Variants in SNX18 observed in about 807,000 individuals in gnomAD.
The protein encoded by SNX18 is sorting nexin 18, also known as sorting nexin-18.
Under a neutral mutation model 48.7 loss-of-function variants are expected in SNX18, and 35 were observed. The observed-to-expected ratio is 0.72, with a 90% CI of 0.55 to 0.95. SNX18 has a LOEUF of 0.95. SNX18 is among the 40% of genes least tolerant of loss of function. The pLI is 0.00. For synonymous variants in SNX18, 492 were observed against 384.7 expected (o/e 1.28, Z -3.26); for missense variants, 824 against 871.0 (o/e 0.95, Z 0.68).
At chr5:54,538,937 CAT>C (rs1762408181) in intron 1 of SNX18, among the ~76,000 whole-genome samples, 1 of 152,182 alleles carries the variant, frequency 6.6e-6, no homozygotes, top group African/African-American at 2.4e-5. Flanking sequence ...TTTATGGAGA[CAT>C]AATCTTCCTT....
chr5:54,582,795 G>T, the SNX18 span, among the ~76,000 whole-genome samples: 1 of 151,612 alleles, frequency 6.6e-6, no homozygotes, highest in Admixed American at 6.6e-5. Flanking sequence ...GAATCTGTTC[G>T]GAATTGAAAA....
chr5:54,609,429 A>G, the SNX18 span, among the ~76,000 whole-genome samples: 2 of 151,692 alleles, frequency 1.3e-5, no homozygotes, highest in East Asian at 3.9e-4. Flanking sequence ...CTCCTTGGGG[A>G]CGTCATCCGC....
chr5:54,639,131 T>C, the SNX18 span, among the ~76,000 whole-genome samples: 1 of 152,222 alleles, frequency 6.6e-6, no homozygotes, highest in African/African-American at 2.4e-5. Context: ...TTTCCTAACT[T>C]AGTCCTTTTG....
At chr5:54,603,035 T>C in the SNX18 span, among the ~76,000 whole-genome samples, 1 of 152,090 alleles carries the variant, frequency 6.6e-6, no homozygotes, top group Non-Finnish European at 1.5e-5. Context: ...CATGGCAATG[T>C]TTCCAAGTAT....
chr5:54,530,744 ATTTTTTTTTTTT>A (rs70986692), intron 1 of SNX18, among the ~76,000 whole-genome samples: 1 of 72,520 alleles, frequency 1.4e-5, no homozygotes, highest in Non-Finnish European at 2.3e-5. Context: ...AACCACAGAA[ATTTTTTTTTTTT>A]TTTTTTTTTT....
chr5:54,599,693 C>A, the SNX18 span, among the ~76,000 whole-genome samples: 1 of 152,116 alleles, frequency 6.6e-6, no homozygotes, highest in Non-Finnish European at 1.5e-5. Context: ...ACATCTGCAA[C>A]CATCTGATCT....
At chr5:54,640,013 CTT>C in the SNX18 span, among the ~76,000 whole-genome samples, 1 of 152,118 alleles carries the variant, frequency 6.6e-6, no homozygotes, top group African/African-American at 2.4e-5. Context: ...TAGAAATATT[CTT>C]TGATAAGTGA....
chr5:54,593,300 T>G, the SNX18 span, among the ~76,000 whole-genome samples: 1 of 152,086 alleles, frequency 6.6e-6, no homozygotes, highest in Non-Finnish European at 1.5e-5. Context: ...CTAATGGGGC[T>G]CAAAAGTAAA....
At chr5:54,607,382 G>C in the SNX18 span, among the ~76,000 whole-genome samples, 29,810 of 152,074 alleles carry the variant, frequency 0.2, 3,691 homozygotes, top group Non-Finnish European at 0.27. Context: ...TTTCCCAGCT[G>C]TCTCCAGAAA....
At chr5:54,556,177 T>A in the SNX18 span, among the ~76,000 whole-genome samples, 3 of 152,250 alleles carry the variant, frequency 2.0e-5, no homozygotes, top group East Asian at 3.9e-4. Context: ...TGAACATCCT[T>A]AGTCATTATG....
chr5:54,554,989 A>G, the SNX18 span, among the ~76,000 whole-genome samples: 4 of 152,330 alleles, frequency 2.6e-5, no homozygotes, highest in East Asian at 7.7e-4. Context: ...TAATTGTGTC[A>G]AAGTCCTTTG....
At chr5:54,641,409 T>G in the SNX18 span, among the ~76,000 whole-genome samples, 3 of 152,180 alleles carry the variant, frequency 2.0e-5, no homozygotes, top group South Asian at 6.2e-4. Flanking sequence ...ACTGACAGAA[T>G]TATGTCTGGA....
At chr5:54,640,113 G>T in the SNX18 span, among the ~76,000 whole-genome samples, 2 of 152,168 alleles carry the variant, frequency 1.3e-5, no homozygotes, top group African/African-American at 4.8e-5. Flanking sequence ...CTGGCAGAAT[G>T]GGCAAAGGGT....
At chr5:54,531,556 G>A (rs748420267) in intron 1 of SNX18, among the ~76,000 whole-genome samples, 4 of 152,130 alleles carry the variant, frequency 2.6e-5, no homozygotes, top group Admixed American at 6.5e-5. Context: ...AAATTTTCAC[G>A]TTTTATGATT....
the SNX18 span, among the ~76,000 whole-genome samples, chr5:54,587,176 T>A: frequency 6.6e-6 from 1 of 152,114 alleles, no homozygotes; most frequent in Non-Finnish European, 1.5e-5. Flanking sequence ...TGAGAATCCA[T>A]TCAAGTCTTA....
the SNX18 span, among the ~76,000 whole-genome samples, chr5:54,563,077 G>A: frequency 6.6e-6 from 1 of 152,142 alleles, no homozygotes; most frequent in Non-Finnish European, 1.5e-5. Flanking sequence ...CACAATCTGT[G>A]TTTTAAGCTT....
the SNX18 span, among the ~76,000 whole-genome samples, chr5:54,555,378 CTTT>C: frequency 6.9e-6 from 1 of 144,530 alleles, no homozygotes; most frequent in Non-Finnish European, 1.5e-5. Flanking sequence ...GCATACCTTT[CTTT>C]TTTTTTTTTT....
chr5:54,602,525 T>C, the SNX18 span, among the ~76,000 whole-genome samples: 4 of 152,226 alleles, frequency 2.6e-5, no homozygotes, highest in East Asian at 1.9e-4. Flanking sequence ...GGCGAATCCA[T>C]AGGAGTGTGC....
chr5:54,597,136 CA>C, the SNX18 span, among the ~76,000 whole-genome samples: 179 of 152,262 alleles, frequency 1.2e-3, 3 homozygotes, highest in Middle Eastern at 0.037. Flanking sequence ...TTTAAATCAA[CA>C]AAGATCAAAA....
Sources: allele counts gnomAD v4.1 joint callset (sites outside exome capture counted in the v4.1 genomes callset), GRCh38; gene constraint gnomAD v4.1.1; transcripts MANE v1.5; gene names NCBI Gene and HGNC (gene_info 2026-07-23, HGNC 2026-07-21).